PHF2: variants seen among roughly 807,000 people sequenced by gnomAD.
PHF2 encodes the protein PHD finger protein 2, also known as lysine-specific demethylase PHF2.
Under a neutral mutation model 120.5 loss-of-function variants are expected in PHF2, and 27 were observed. The ratio of observed to expected loss-of-function variants is 0.22; its 90% CI spans 0.17 to 0.31. The LOEUF is 0.31. Ranked by LOEUF, PHF2 falls within the 10% of genes least tolerant of loss-of-function variation. The pLI is 1.00. For synonymous variants in PHF2, 568 were observed against 592.5 expected (o/e 0.96, Z 0.60); for missense variants, 1,024 against 1,434.8 (o/e 0.71, Z 4.63).
chr9:93,644,075 C>T (rs1358676018), intron 3 of PHF2, among the ~76,000 whole-genome samples: 3 of 152,192 alleles, frequency 2.0e-5, no homozygotes, highest in Admixed American at 6.5e-5. Flanking sequence ...GCAGACTACA[C>T]CACTGCCCTG....
At chr9:93,633,984 C>T (rs562221602) in intron 2 of PHF2, among the ~76,000 whole-genome samples, 1 of 152,272 alleles carries the variant, frequency 6.6e-6, no homozygotes, top group South Asian at 2.1e-4. Context: ...CCTGCCTGAG[C>T]CGCCGCTGTC....
In PHF2 at chr9:93,659,613, C is replaced by A; in HGVS notation, c.1329+13C>A. On this transcript the variant is annotated intron_variant, in intron 11 of 21. Transcript: ENST00000359246. ...CCGGCTCAGTGAGGTGGGGCCGTGTCCAGGTGCTGGGCTGGACCCCTGGGG... is the reference window on the plus strand; with the variant it reads ...CCGGCTCAGTGAGGTGGGGCCGTGTACAGGTGCTGGGCTGGACCCCTGGGG... The A allele has an allele frequency of 6.2e-7, 1 of 1,612,114 alleles. No individual in the cohort carries two copies. Among genetic ancestry groups the A allele is most frequent in the South Asian group, 1.1e-5 (1 of 90,990 alleles).
chr9:93,636,258 G>A (rs752789412), intron 2 of PHF2, among the ~76,000 whole-genome samples, 153 bp from the exon 3 acceptor site: 78 of 152,182 alleles, frequency 5.1e-4, no homozygotes, highest in Non-Finnish European at 9.9e-4. Flanking sequence ...TGCATGGCAG[G>A]GTGGGGGTGT....
chr9:93,585,555 T>C (rs1047250031), intron 1 of PHF2, among the ~76,000 whole-genome samples: 6 of 152,268 alleles, frequency 3.9e-5, no homozygotes, highest in Non-Finnish European at 8.8e-5. Context: ...TTCATTCTTG[T>C]TCCTGACATG....
chr9:93,576,995 C>A, intron 1 of PHF2, 124 bp downstream of exon 1: 1 of 241,292 alleles, frequency 4.1e-6, no homozygotes, highest in Non-Finnish European at 6.6e-6. Flanking sequence ...CCGCCGCCGC[C>A]GCATTCCGGG....
At chr9:93,671,380 G>A (rs1826787638) in intron 17 of PHF2, among the ~76,000 whole-genome samples, 1 of 137,566 alleles carries the variant, frequency 7.3e-6, no homozygotes, top group Non-Finnish European at 1.6e-5. Context: ...GGGTGTGGAT[G>A]TAGGTACAGG....
intron 1 of PHF2, among the ~76,000 whole-genome samples, chr9:93,623,962 C>T (rs115676519): frequency 3.9e-5 from 6 of 152,198 alleles, no homozygotes; most frequent in Admixed American, 6.5e-5. Context: ...CACTGTCTAA[C>T]GAGTGTTCAC....
At position 93,677,064 on chromosome 9, in the gene PHF2, T is replaced by C; in HGVS notation, c.3202+101T>C. 9 of 1,302,782 alleles carry C rather than the reference T, an allele frequency of 6.9e-6. No homozygotes were observed. The highest frequency in any genetic ancestry group is 2.6e-5 in the East Asian group (1 of 38,906). The allele number at this position is 1,302,782 out of a possible 1,614,324, so 80.7% of individuals were successfully genotyped here. Reference sequence around the variant, plus strand: ...TCGGCCCATGGTAGAGGGCAGCACATTGGGAGGGCTCCTGGGCCTTGGGTG... The same window carrying C: ...TCGGCCCATGGTAGAGGGCAGCACACTGGGAGGGCTCCTGGGCCTTGGGTG... On this transcript the variant is annotated intron_variant, in intron 21 of 21. Coordinates refer to ENST00000359246, the MANE Select transcript of PHF2 (RefSeq NM_005392.4). This position sits in a 1 kb window ranked among gnomAD's most constrained non-coding sequence, Gnocchi z 4.4.
intron 1 of PHF2, among the ~76,000 whole-genome samples, chr9:93,615,366 G>A (rs572766433): frequency 6.2e-4 from 94 of 151,834 alleles, no homozygotes; most frequent in African/African-American, 1.4e-3. Flanking sequence ...GGTGATGATG[G>A]TGATAGTAAT....
At chr9:93,640,278 TCTA>T (rs1826155093) in intron 3 of PHF2, among the ~76,000 whole-genome samples, 2 of 152,198 alleles carry the variant, frequency 1.3e-5, no homozygotes, top group Admixed American at 1.3e-4. Context: ...AAATATTTAT[TCTA>T]CTGCATTTTC....
intron 3 of PHF2, among the ~76,000 whole-genome samples, chr9:93,643,422 T>A (rs1233396802): frequency 1.3e-5 from 2 of 152,212 alleles, no homozygotes; most frequent in African/African-American, 4.8e-5. Context: ...TGCCTCGAGC[T>A]TCCCACACGG....
At chr9:93,672,870 G>T in intron 17 of PHF2, 2 of 955,124 alleles carry the variant, frequency 2.1e-6, no homozygotes, top group Non-Finnish European at 2.5e-6. Flanking sequence ...GTAGGTACAG[G>T]TGTAGATGCA....
At chr9:93,629,844 C>T (rs1247467233) in intron 1 of PHF2, 126 bp from the exon 2 acceptor site, 2 of 860,086 alleles carry the variant, frequency 2.3e-6, no homozygotes, top group Non-Finnish European at 3.9e-6. Flanking sequence ...TGTCCCTGCA[C>T]AGCTGTGCTC....
At chr9:93,620,960 T>C (rs1825815990) in intron 1 of PHF2, among the ~76,000 whole-genome samples, 1 of 152,222 alleles carries the variant, frequency 6.6e-6, no homozygotes, top group South Asian at 2.1e-4. Flanking sequence ...GCTTGCACAA[T>C]CGAAGCCCTG....
intron 17 of PHF2, among the ~76,000 whole-genome samples, chr9:93,667,844 G>A (rs1248941097): frequency 2.6e-5 from 4 of 152,156 alleles, no homozygotes; most frequent in Admixed American, 2.0e-4. Context: ...GGGTGTTTGC[G>A]GCTGGTCCCT....
chr9:93,650,185 C>G (rs548175676), intron 5 of PHF2, among the ~76,000 whole-genome samples: 1 of 151,888 alleles, frequency 6.6e-6, no homozygotes, highest in Admixed American at 6.6e-5. Flanking sequence ...ACCTGTGACA[C>G]GTTCACAACA....
At chr9:93,630,295 G>T (rs1456867434) in intron 2 of PHF2, among the ~76,000 whole-genome samples, 1 of 152,254 alleles carries the variant, frequency 6.6e-6, no homozygotes, top group Non-Finnish European at 1.5e-5. Context: ...GCTGTGCAAA[G>T]ACTCAAAGGG....
At chr9:93,661,235 T>C (rs79940477) in intron 12 of PHF2, among the ~76,000 whole-genome samples, 2,751 of 152,142 alleles carry the variant, frequency 0.018, 57 homozygotes, top group African/African-American at 0.057. Flanking sequence ...TGAAGCACCA[T>C]TGAGTGTGAG....
At chr9:93,586,724 C>T (rs140469053) in intron 1 of PHF2, among the ~76,000 whole-genome samples, 9 of 152,356 alleles carry the variant, frequency 5.9e-5, no homozygotes, top group African/African-American at 9.6e-5. Context: ...TGAGCGAGCA[C>T]GTCCCTCAGT....
Sources: gnomAD v4.1 joint callset for allele counts (sites outside exome capture counted in the v4.1 genomes callset) on GRCh38, gnomAD v4.1.1 for gene constraint, Gnocchi (gnomAD v3.1) non-coding constraint, MANE v1.5 for transcripts, NCBI Gene and HGNC (gene_info 2026-07-23, HGNC 2026-07-21) for gene names.